Variants in COMMD10 observed in about 807,000 individuals in gnomAD.
COMMD10 encodes the protein COMM domain containing 10.
Under a neutral mutation model 28.9 loss-of-function variants are expected in COMMD10, and 33 were observed. That is an observed-to-expected ratio of 1.14 (90% confidence interval 0.87 to 1.53). The LOEUF (loss-of-function observed/expected upper bound fraction) is 1.53, where lower values mean the gene tolerates loss of function less well. Among genes scored for constraint, COMMD10 ranks in the 40% most tolerant of loss-of-function variants. The pLI, the probability that COMMD10 is intolerant of heterozygous loss-of-function variation, is 0.00. For synonymous variants in COMMD10, 110 were observed against 81.7 expected (o/e 1.35, Z -1.87); for missense variants, 310 against 233.4 (o/e 1.33, Z -2.14).
intron 4 of COMMD10, among the ~76,000 whole-genome samples, chr5:116,131,349 G>A (rs1417268649): frequency 1.3e-5 from 2 of 151,728 alleles, no homozygotes; most frequent in East Asian, 3.9e-4. Flanking sequence ...GCTTTGGCCT[G>A]CAGATAATAT....
intron 5 of COMMD10, among the ~76,000 whole-genome samples, chr5:116,228,767 C>T (rs1016892706): frequency 3.3e-5 from 5 of 151,934 alleles, no homozygotes; most frequent in African/African-American, 7.2e-5. Flanking sequence ...GTGACTCTCT[C>T]CTTGTTAGTT....
chr5:116,126,305 C>G (rs1365811073), intron 4 of COMMD10, among the ~76,000 whole-genome samples: 3 of 152,192 alleles, frequency 2.0e-5, no homozygotes, highest in African/African-American at 7.2e-5. Flanking sequence ...ACATTCCATG[C>G]TCATGAATAG....
intron 5 of COMMD10, among the ~76,000 whole-genome samples, chr5:116,211,761 C>G (rs530992241): frequency 4.8e-4 from 73 of 152,224 alleles, no homozygotes; most frequent in Admixed American, 1.3e-3. Context: ...AGCTACATTA[C>G]ACACTCATAC....
chr5:116,224,478 T>G (rs982706624), intron 5 of COMMD10, among the ~76,000 whole-genome samples: 3 of 152,190 alleles, frequency 2.0e-5, no homozygotes, highest in African/African-American at 4.8e-5. Flanking sequence ...CTGCTTCTGG[T>G]AAGGCCTCAG....
intron 5 of COMMD10, among the ~76,000 whole-genome samples, chr5:116,168,551 G>A (rs921367060): frequency 4.6e-5 from 7 of 151,968 alleles, no homozygotes; most frequent in Non-Finnish European, 7.4e-5. Context: ...ACTGCATCCC[G>A]CACTTATTCT....
At chr5:116,133,445 TAGTA>T (rs1209127232) in intron 4 of COMMD10, among the ~76,000 whole-genome samples, 37 of 152,234 alleles carry the variant, frequency 2.4e-4, no homozygotes, top group Non-Finnish European at 4.1e-4. Context: ...CTGGGAACGA[TAGTA>T]AGAGTACCTT....
chr5:116,119,755 G>T (rs1751362301), intron 4 of COMMD10, among the ~76,000 whole-genome samples: 1 of 151,930 alleles, frequency 6.6e-6, no homozygotes, highest in African/African-American at 2.4e-5. Flanking sequence ...AGGACTACAG[G>T]TGTATGCTGT....
chr5:116,204,152 C>A (rs1248067672), intron 5 of COMMD10, among the ~76,000 whole-genome samples: 3 of 152,056 alleles, frequency 2.0e-5, no homozygotes, highest in Admixed American at 6.5e-5. Flanking sequence ...AAGGCCATTA[C>A]ATCATGGTAA....
chr5:116,226,967 A>G (rs1029118935), intron 5 of COMMD10, among the ~76,000 whole-genome samples: 2 of 152,022 alleles, frequency 1.3e-5, no homozygotes, highest in Non-Finnish European at 2.9e-5. Context: ...ATATGAGTTC[A>G]TATTATTTTA....
At chr5:116,103,423 T>C (rs1338127251) in intron 4 of COMMD10, among the ~76,000 whole-genome samples, 1 of 152,268 alleles carries the variant, frequency 6.6e-6, no homozygotes, top group Non-Finnish European at 1.5e-5. Flanking sequence ...TGACCAGTGG[T>C]GATGAGCTTT....
chr5:116,286,841 T>G (rs1561409721), intron 5 of COMMD10, among the ~76,000 whole-genome samples: 1 of 151,840 alleles, frequency 6.6e-6, no homozygotes, highest in African/African-American at 2.4e-5. Context: ...TATTTTTGAT[T>G]AGAGTGTTCC....
chr5:116,281,028 T>G lies in COMMD10; in HGVS notation c.511-10489T>G, dbSNP rs538001937. 2.3e-4 allele frequency among the ~76,000 whole-genome samples: 35 copies of G among 152,068 alleles called. 1 individual carries two copies. Among genetic ancestry groups the G allele is most frequent in the Admixed American group, 1.8e-3 (27 of 15,274 alleles). On this transcript the variant is annotated intron_variant, in intron 5 of 6. Coordinates refer to ENST00000274458, the MANE Select transcript of COMMD10 (RefSeq NM_016144.4). ...TAGTACTATTTCTTTTACTGAAATA[T>G]TCTATCTCCTGATTTTCTAGTTGAA...
At chr5:116,241,607 T>TTTATTTATTTAA in intron 5 of COMMD10, among the ~76,000 whole-genome samples, 1 of 149,810 alleles carries the variant, frequency 6.7e-6, no homozygotes, top group African/African-American at 2.4e-5. Context: ...TATTTATTTA[T>TTTATTTATTTAA]TTATTTATTT....
chr5:116,151,967 C>G (rs1752543025), intron 5 of COMMD10, among the ~76,000 whole-genome samples: 1 of 152,102 alleles, frequency 6.6e-6, no homozygotes, highest in African/African-American at 2.4e-5. Flanking sequence ...AGTTTTTGAT[C>G]TTTCCTGCTT....
chr5:116,167,079 A>G (rs557169506), intron 5 of COMMD10, among the ~76,000 whole-genome samples: 12 of 152,226 alleles, frequency 7.9e-5, no homozygotes, highest in African/African-American at 2.6e-4. Context: ...TTCTAATCCA[A>G]TGCAGGGAAG....
intron 5 of COMMD10, among the ~76,000 whole-genome samples, chr5:116,226,765 C>T (rs1208215901): frequency 1.3e-5 from 2 of 152,104 alleles, no homozygotes; most frequent in East Asian, 1.9e-4. Context: ...ATAACCCTCA[C>T]AGGTAACAGT....
chr5:116,186,277 A>G (rs1384389491), intron 5 of COMMD10, among the ~76,000 whole-genome samples: 3 of 152,092 alleles, frequency 2.0e-5, no homozygotes, highest in African/African-American at 7.2e-5. Context: ...CTGCTCCCAT[A>G]ACCCCAAACT....
chr5:116,271,939 C>A (rs891784837), intron 5 of COMMD10, among the ~76,000 whole-genome samples: 3 of 151,790 alleles, frequency 2.0e-5, no homozygotes, highest in African/African-American at 7.3e-5. Context: ...TAGCTCAGAT[C>A]TGACATGAAA....
chr5:116,247,099 C>G (rs1303259472), intron 5 of COMMD10, among the ~76,000 whole-genome samples: 2 of 151,428 alleles, frequency 1.3e-5, no homozygotes, highest in African/African-American at 2.4e-5. Flanking sequence ...TATCTAGTAT[C>G]TATACGGAAC....
Sources: gnomAD v4.1 joint callset for allele counts (sites outside exome capture counted in the v4.1 genomes callset) on GRCh38, gnomAD v4.1.1 for gene constraint, MANE v1.5 for transcripts, NCBI Gene and HGNC (gene_info 2026-07-23, HGNC 2026-07-21) for gene names.